SCAPER: variants seen among roughly 807,000 people sequenced by gnomAD.
SCAPER encodes S-phase cyclin A associated protein in the ER.
In SCAPER, 98 loss-of-function variants were observed where a neutral mutation model predicts 182.2. That is an observed-to-expected ratio of 0.54 (90% CI 0.46 to 0.64). SCAPER has a LOEUF of 0.64. Ranked by LOEUF, SCAPER falls within the 30% of genes least tolerant of loss-of-function variation. The pLI is 0.00. For missense variants in SCAPER, 1,432 were observed against 1,690.0 expected, an observed-to-expected ratio of 0.85 and a Z score of 2.68; for synonymous variants, 605 against 564.6, an observed-to-expected ratio of 1.07 and a Z score of -1.01.
chr15:76,896,576 T>A (rs183528064), intron 1 of SCAPER, among the ~76,000 whole-genome samples: 3 of 152,034 alleles, frequency 2.0e-5, no homozygotes, highest in Non-Finnish European at 2.9e-5. Flanking sequence ...TTCAACATAA[T>A]CCCTATCAAA....
At chr15:76,667,708 T>TC (rs2056714344) in intron 20 of SCAPER, among the ~76,000 whole-genome samples, 1 of 141,214 alleles carries the variant, frequency 7.1e-6, no homozygotes, top group Non-Finnish European at 1.5e-5. Context: ...ATCCCAAAAC[T>TC]TTGGGAAGCC....
At chr15:76,657,816 A>G (rs2055794036) in intron 21 of SCAPER, among the ~76,000 whole-genome samples, 1 of 152,146 alleles carries the variant, frequency 6.6e-6, no homozygotes, top group Admixed American at 6.5e-5. Context: ...AACAAAAATC[A>G]TATGATCGTC....
chr15:76,651,456 T>C (rs1255698339), intron 21 of SCAPER, among the ~76,000 whole-genome samples: 3 of 152,060 alleles, frequency 2.0e-5, no homozygotes, highest in Non-Finnish European at 2.9e-5. Context: ...CTGCGTGGAA[T>C]AGGAGTAGTG....
chr15:76,617,275 C>G (rs2051577740), intron 22 of SCAPER, among the ~76,000 whole-genome samples: 1 of 152,116 alleles, frequency 6.6e-6, no homozygotes. Context: ...ATGTTTTTAT[C>G]TTTACATCTT....
intron 6 of SCAPER, 25 bp downstream of exon 6, chr15:76,804,508 A>G: frequency 6.8e-7 from 1 of 1,473,592 alleles, no homozygotes; most frequent in Non-Finnish European, 9.4e-7. Context: ...GATGATAGGA[A>G]GATTGAGACC....
Position 76,806,767 on chromosome 15 carries a change from G to A in SCAPER, c.394-2134C>T, listed in dbSNP as rs192334952. 3.0e-4 allele frequency among the ~76,000 whole-genome samples: 46 copies of A among 152,208 alleles called. 1 individual carries two copies. Among genetic ancestry groups the A allele is most frequent in the African/African-American group, 7.7e-4 (32 of 41,556 alleles). ...TTCAATTATATTTTATAGTTTGTGT[G>A]TACATCTTACACTACTTTAAATTTA... On this transcript the variant is annotated intron_variant, in intron 5 of 31. Coordinates refer to ENST00000563290, the MANE Select transcript of SCAPER (RefSeq NM_020843.4).
At chr15:76,721,701 G>T (rs1320425546) in intron 17 of SCAPER, among the ~76,000 whole-genome samples, 1 of 151,948 alleles carries the variant, frequency 6.6e-6, no homozygotes, top group African/African-American at 2.4e-5. Context: ...GTGAATGGGA[G>T]TTCACTCATG....
chr15:76,736,163 T>G (rs1466036477), intron 15 of SCAPER, among the ~76,000 whole-genome samples: 5 of 152,236 alleles, frequency 3.3e-5, no homozygotes, highest in Admixed American at 3.3e-4. Flanking sequence ...GGCCTATTAA[T>G]TGTGCAACAG....
chr15:76,805,980 G>C (rs1257111480), intron 5 of SCAPER, among the ~76,000 whole-genome samples: 1 of 152,068 alleles, frequency 6.6e-6, no homozygotes, highest in East Asian at 1.9e-4. Flanking sequence ...CTAGGTATTA[G>C]ACCTTCATCA....
intron 28 of SCAPER, chr15:76,380,118 C>T (rs963682307): frequency 6.6e-6 from 1 of 152,154 alleles, no homozygotes; most frequent in Non-Finnish European, 1.5e-5. Context: ...TTAAGGTTCC[C>T]TGATTTCCAA....
chr15:76,543,748 G>T (rs147538402), intron 23 of SCAPER, among the ~76,000 whole-genome samples: 3 of 152,118 alleles, frequency 2.0e-5, no homozygotes. Flanking sequence ...TGCCATGAAT[G>T]CTGTGACCTC....
intron 25 of SCAPER, among the ~76,000 whole-genome samples, chr15:76,461,819 G>A (rs919594053): frequency 1.3e-5 from 2 of 152,102 alleles, no homozygotes; most frequent in African/African-American, 4.8e-5. Context: ...ATGTCATGAA[G>A]AATCTGGATT....
intron 26 of SCAPER, among the ~76,000 whole-genome samples, chr15:76,426,073 A>C (rs1010953926): frequency 2.6e-5 from 4 of 152,278 alleles, no homozygotes; most frequent in African/African-American, 9.6e-5. Context: ...GACCCACTTG[A>C]GGGGGCAGTC....
intron 20 of SCAPER, among the ~76,000 whole-genome samples, chr15:76,668,665 A>G (rs1450664478): frequency 2.6e-5 from 4 of 152,174 alleles, no homozygotes; most frequent in Admixed American, 6.5e-5. Context: ...CTTCATAGTC[A>G]TATCACTGCC....
At chr15:76,577,216 C>T (rs1567507662) in intron 22 of SCAPER, among the ~76,000 whole-genome samples, 1 of 152,062 alleles carries the variant, frequency 6.6e-6, no homozygotes, top group Non-Finnish European at 1.5e-5. Context: ...GAGGCTGAGG[C>T]AAGCGGATTG....
chr15:76,365,827 T>A (rs1173601853), intron 29 of SCAPER, among the ~76,000 whole-genome samples: 1 of 152,152 alleles, frequency 6.6e-6, no homozygotes, highest in Admixed American at 6.5e-5. Context: ...GAATAGATGA[T>A]CTCTGAAGGC....
At chr15:76,633,391 C>T (rs981468815) in intron 21 of SCAPER, among the ~76,000 whole-genome samples, 4 of 152,224 alleles carry the variant, frequency 2.6e-5, no homozygotes, top group African/African-American at 9.6e-5. Flanking sequence ...GGACATCTCA[C>T]TCAGTCAGGA....
chr15:76,665,929 T>C lies in SCAPER; in HGVS notation c.2509-140A>G, dbSNP rs1598027917. The C allele has an allele frequency of 9.6e-6, 7 of 729,976 alleles. No homozygotes were observed. The East Asian group carries it at 2.1e-4, about 22-fold the overall frequency. The allele number at this position is 729,976 out of a possible 1,614,324, so 45.2% of individuals were successfully genotyped here. A position where few individuals can be genotyped will look rare whatever the true frequency, so the allele number is the denominator to read the frequency against. ...GTAATACACTGGTTTCTACAATTGT[T>C]ATGGAAAACGTTGAAGAAACTGTTT... On this transcript the variant is annotated intron_variant, in intron 20 of 31. Transcript: ENST00000563290.
At chr15:76,636,204 T>A (rs1395820614) in intron 21 of SCAPER, among the ~76,000 whole-genome samples, 1 of 152,126 alleles carries the variant, frequency 6.6e-6, no homozygotes, top group African/African-American at 2.4e-5. Context: ...CTGAAAAAAA[T>A]TCTTTCAGCA....
Sources: gnomAD v4.1 joint callset for allele counts (sites outside exome capture counted in the v4.1 genomes callset) on GRCh38, gnomAD v4.1.1 for gene constraint, MANE v1.5 for transcripts, NCBI Gene and HGNC (gene_info 2026-07-23, HGNC 2026-07-21) for gene names.